The following NR6A1 variants were observed in gnomAD, a reference collection of about 807,000 sequenced individuals.
NR6A1 encodes the protein nuclear receptor subfamily 6 group A member 1, also known as retinoic acid receptor-related testis-associated receptor.
A neutral mutation model predicts 59.1 loss-of-function variants in NR6A1; 7 were observed. The observed-to-expected ratio is 0.12, with a 90% CI of 0.07 to 0.22. The LOEUF (loss-of-function observed/expected upper bound fraction) is 0.22, where lower values mean the gene tolerates loss of function less well. Ranked by LOEUF, NR6A1 falls within the 10% of genes least tolerant of loss-of-function variation. The pLI is 1.00. For missense variants in NR6A1, 468 were observed against 611.6 expected (o/e 0.77, Z 2.48); for synonymous variants, 243 against 236.1 (o/e 1.03, Z -0.27).
chr9:124,642,674 A>G (rs1267993778), intron 2 of NR6A1, among the ~76,000 whole-genome samples: 2 of 152,190 alleles, frequency 1.3e-5, no homozygotes, highest in Non-Finnish European at 2.9e-5. Flanking sequence ...AAAGTGACCA[A>G]TGGAGGCAAG....
At chr9:124,736,638 G>A (rs1564260374) in intron 1 of NR6A1, among the ~76,000 whole-genome samples, 2 of 152,084 alleles carry the variant, frequency 1.3e-5, no homozygotes, top group African/African-American at 2.4e-5. Context: ...GAGCCCAGGA[G>A]TCGGAGACCA....
intron 2 of NR6A1, among the ~76,000 whole-genome samples, chr9:124,710,568 A>T (rs1217359318): frequency 6.6e-6 from 1 of 152,212 alleles, no homozygotes; most frequent in Non-Finnish European, 1.5e-5. Flanking sequence ...ATGATTCTCA[A>T]GGTATAAAGG....
intron 2 of NR6A1, among the ~76,000 whole-genome samples, chr9:124,581,429 T>C (rs1269619335): frequency 6.6e-6 from 1 of 151,886 alleles, no homozygotes; most frequent in Non-Finnish European, 1.5e-5. Context: ...CCGTCTCTAC[T>C]AAAAATAGAA....
chr9:124,536,096 A>G lies in NR6A1; in HGVS notation c.861T>C (p.Leu287=). 3 of 1,614,088 alleles carry G rather than the reference A, an allele frequency of 1.9e-6. No individual in the cohort carries two copies. The highest frequency in any genetic ancestry group is 1.7e-6 in the Non-Finnish European group (2 of 1,179,984). ...AVTQAELFAL[L]CRLADELLFR... is the part of the protein sequence containing the mutation. ...AGAGCAGCTCGTCGGCCAGGCGGCA[A>G]AGCAGGGCAAATAGTTCTGCCTGTG... The change falls in exon 7 of 10, where the codon CTT becomes CTC. Residue 287 remains leucine, a synonymous_variant. Coordinates refer to ENST00000487099, the MANE Select transcript of NR6A1 (RefSeq NM_033334.4).
chr9:124,768,074 A>T (rs1422596088), intron 1 of NR6A1, among the ~76,000 whole-genome samples: 2 of 152,200 alleles, frequency 1.3e-5, no homozygotes, highest in Admixed American at 6.5e-5. Flanking sequence ...ATGATGGTGC[A>T]TCAAAAGGCT....
intron 1 of NR6A1, among the ~76,000 whole-genome samples, chr9:124,737,981 C>T (rs142486978): frequency 6.6e-6 from 1 of 152,200 alleles, no homozygotes; most frequent in East Asian, 1.9e-4. Flanking sequence ...TTAGGCGGGG[C>T]GTGGTAGCTC....
At chr9:124,751,427 AC>A (rs1168033630) in intron 1 of NR6A1, among the ~76,000 whole-genome samples, 1 of 152,214 alleles carries the variant, frequency 6.6e-6, no homozygotes, top group African/African-American at 2.4e-5. Flanking sequence ...TATGAGCTTG[AC>A]AATAACATTC....
At chr9:124,579,272 C>A (rs113287700) in intron 2 of NR6A1, among the ~76,000 whole-genome samples, 31 of 151,954 alleles carry the variant, frequency 2.0e-4, no homozygotes, top group Non-Finnish European at 4.0e-4. Context: ...TAAAACTTAG[C>A]CAAGTGTGGT....
intron 2 of NR6A1, among the ~76,000 whole-genome samples, chr9:124,629,125 C>T (rs943640693): frequency 1.3e-5 from 2 of 152,166 alleles, no homozygotes; most frequent in African/African-American, 4.8e-5. Flanking sequence ...CACATTCTTC[C>T]TGCCACAAGT....
chr9:124,618,005 G>A (rs985687429), intron 2 of NR6A1, among the ~76,000 whole-genome samples: 1 of 152,180 alleles, frequency 6.6e-6, no homozygotes, highest in South Asian at 2.1e-4. Flanking sequence ...CAACCCCTGG[G>A]GAGACTAAAC....
chr9:124,632,025 T>C (rs1156709419), intron 2 of NR6A1, among the ~76,000 whole-genome samples: 1 of 152,258 alleles, frequency 6.6e-6, no homozygotes, highest in Non-Finnish European at 1.5e-5. Context: ...GGCTGCATAG[T>C]ATTCCATGAT....
At chr9:124,568,368 C>A (rs1245446808) in intron 2 of NR6A1, among the ~76,000 whole-genome samples, 1 of 151,098 alleles carries the variant, frequency 6.6e-6, no homozygotes, top group Non-Finnish European at 1.5e-5. Flanking sequence ...CACCTGTAAT[C>A]CCAGGTAGTT....
chr9:124,562,726 A>AT (rs1834117097), intron 2 of NR6A1, among the ~76,000 whole-genome samples: 2 of 152,364 alleles, frequency 1.3e-5, no homozygotes, highest in African/African-American at 4.8e-5. Flanking sequence ...CTGTGGACAC[A>AT]TATTTTCAGA....
chr9:124,562,467 T>C (rs1834110067), intron 2 of NR6A1, among the ~76,000 whole-genome samples: 2 of 152,138 alleles, frequency 1.3e-5, no homozygotes. Flanking sequence ...TCGCCTAGGC[T>C]GGAGTGCAGT....
intron 2 of NR6A1, among the ~76,000 whole-genome samples, chr9:124,678,267 T>C (rs906084148): frequency 6.6e-6 from 1 of 152,198 alleles, no homozygotes; most frequent in Non-Finnish European, 1.5e-5. Context: ...CCCCAGTATA[T>C]ACATACAAAT....
chr9:124,641,875 T>C (rs1277523488), intron 2 of NR6A1, among the ~76,000 whole-genome samples: 1 of 152,166 alleles, frequency 6.6e-6, no homozygotes, highest in East Asian at 1.9e-4. Flanking sequence ...CAGGGTTAAA[T>C]GGAGAGACAA....
intron 2 of NR6A1, among the ~76,000 whole-genome samples, chr9:124,556,010 T>G (rs978001500): frequency 6.6e-5 from 10 of 152,248 alleles, no homozygotes; most frequent in African/African-American, 2.4e-4. Context: ...CTTGCATTTC[T>G]GGAGCCCTTA....
In NR6A1 at chr9:124,633,201, G is replaced by A. The variant is rs577292710; in HGVS notation, c.143-78631C>T. ...GAGCGGATCACCAGGTCAGGAGATC[G>A]AGACCATCCTGGCTAACACGGTGAA... On this transcript the variant is annotated intron_variant, in intron 2 of 9. Coordinates refer to ENST00000487099, the MANE Select transcript of NR6A1 (RefSeq NM_033334.4). Among the ~76,000 whole-genome samples, 6 of 152,002 alleles carry A rather than the reference G, an allele frequency of 3.9e-5. No individual in the cohort carries two copies. The South Asian group carries it at 8.3e-4, about 21-fold the overall frequency.
rs193178093 is a variant in NR6A1 at position 124,756,799 on chromosome 9, A to C, written c.100+14221T>G. ...ATGATATAATTGTATTAGAAGACAC[A>C]CGCACATCAACTTATCATCCCGAGA... On this transcript the variant is annotated intron_variant, in intron 1 of 9. Coordinates refer to ENST00000487099, the MANE Select transcript of NR6A1 (RefSeq NM_033334.4). 2.0e-5 allele frequency among the ~76,000 whole-genome samples: 3 copies of C among 152,356 alleles called. No homozygotes were observed. The East Asian group carries it at 5.8e-4, about 29-fold the overall frequency.
Sources: gnomAD v4.1 joint callset for allele counts (sites outside exome capture counted in the v4.1 genomes callset) on GRCh38, gnomAD v4.1.1 for gene constraint, MANE v1.5 for transcripts, NCBI Gene and HGNC (gene_info 2026-07-23, HGNC 2026-07-21) for gene names.